Variants in CAMK4 observed in about 807,000 individuals in gnomAD.
The protein encoded by CAMK4 is calcium/calmodulin dependent protein kinase IV, also known as calcium/calmodulin-dependent protein kinase type IV.
CAMK4 carries 22 observed loss-of-function variants against 44.9 expected under a neutral mutation model. The observed-to-expected ratio is 0.49, with a 90% CI of 0.35 to 0.70. The LOEUF (loss-of-function observed/expected upper bound fraction) is 0.70, where lower values mean the gene tolerates loss of function less well. Among genes scored for constraint, CAMK4 ranks in the 30% least tolerant of loss-of-function variants. The pLI, the probability that CAMK4 is intolerant of heterozygous loss-of-function variation, is 0.01. For missense variants in CAMK4, 498 were observed against 586.8 expected, an observed-to-expected ratio of 0.85 and a Z score of 1.56; for synonymous variants, 218 against 215.4, an observed-to-expected ratio of 1.01 and a Z score of -0.11.
intron 1 of CAMK4, among the ~76,000 whole-genome samples, chr5:111,324,370 C>T (rs994166089): frequency 6.6e-6 from 1 of 151,878 alleles, no homozygotes; most frequent in Admixed American, 6.6e-5. Flanking sequence ...TATTCAAATT[C>T]TAAATATAAG....
At chr5:111,336,272 A>G (rs1561421447) in intron 1 of CAMK4, among the ~76,000 whole-genome samples, 2 of 151,276 alleles carry the variant, frequency 1.3e-5, no homozygotes, top group South Asian at 2.1e-4. Context: ...ATCTCAGGCA[A>G]TTTTGTGGTA....
At chr5:111,313,214 G>T (rs1165605867) in intron 1 of CAMK4, among the ~76,000 whole-genome samples, 1 of 152,038 alleles carries the variant, frequency 6.6e-6, no homozygotes, top group Non-Finnish European at 1.5e-5. Context: ...CTCTGCCTAT[G>T]AGATGTCAGT....
rs1277464506 is a variant in CAMK4, at chr5:111,308,158, C to T, written c.162-35866C>T. ...GAGATATACCTAATGCTAGATGACA[C>T]GTTAGTGGGTGCAGCGCACCAGCAT... On this transcript the variant is annotated intron_variant, in intron 1 of 10. Coordinates refer to ENST00000282356, the MANE Select transcript of CAMK4 (RefSeq NM_001744.6). 1.8e-4 allele frequency among the ~76,000 whole-genome samples: 24 copies of T among 132,380 alleles called. No homozygotes were observed. In the South Asian group the frequency reaches 6.1e-3, roughly 34 times the overall value. 86.8% of individuals were successfully genotyped at this position (132,380 alleles called of 152,430 possible).
chr5:111,255,299 T>C (rs578207791), intron 1 of CAMK4, among the ~76,000 whole-genome samples: 1 of 152,336 alleles, frequency 6.6e-6, no homozygotes, highest in South Asian at 2.1e-4. Flanking sequence ...TTTGGTGAGC[T>C]ATGAATGGAA....
At chr5:111,332,084 T>A (rs1008037535) in intron 1 of CAMK4, among the ~76,000 whole-genome samples, 7 of 151,650 alleles carry the variant, frequency 4.6e-5, no homozygotes, top group African/African-American at 1.5e-4. Flanking sequence ...CCTTTTCTTT[T>A]TTATTATTAT....
chr5:111,443,471 T>C (rs1753919424), intron 5 of CAMK4, among the ~76,000 whole-genome samples: 1 of 151,244 alleles, frequency 6.6e-6, no homozygotes, highest in African/African-American at 2.4e-5. Flanking sequence ...CTTTAGCATT[T>C]AATTGCTTTG....
chr5:111,253,188 A>G (rs1749594003), intron 1 of CAMK4, among the ~76,000 whole-genome samples: 1 of 152,164 alleles, frequency 6.6e-6, no homozygotes, highest in East Asian at 1.9e-4. Context: ...TAATTTGACA[A>G]ATGTCTGCAT....
chr5:111,331,627 C>T (rs1311524509), intron 1 of CAMK4, among the ~76,000 whole-genome samples: 1 of 151,670 alleles, frequency 6.6e-6, no homozygotes, highest in Non-Finnish European at 1.5e-5. Context: ...CTTGAAGACC[C>T]ACTTAAATTT....
At chr5:111,384,498 C>T (rs1450838406) in intron 4 of CAMK4, among the ~76,000 whole-genome samples, 1 of 152,138 alleles carries the variant, frequency 6.6e-6, no homozygotes. Flanking sequence ...AAGATGAAAA[C>T]TGTATTTTCA....
chr5:111,275,344 A>G (rs1029832192), intron 1 of CAMK4, among the ~76,000 whole-genome samples: 1 of 151,666 alleles, frequency 6.6e-6, no homozygotes, highest in Admixed American at 6.6e-5. Flanking sequence ...TTTTTTTGAC[A>G]CTTCTCCTGT....
intron 4 of CAMK4, among the ~76,000 whole-genome samples, chr5:111,377,329 T>C (rs1751251023): frequency 6.6e-6 from 1 of 152,130 alleles, no homozygotes; most frequent in South Asian, 2.1e-4. Flanking sequence ...CTGTCCTCTG[T>C]TATGATCCAA....
intron 2 of CAMK4, among the ~76,000 whole-genome samples, chr5:111,347,990 A>G (rs1749937416): frequency 2.0e-5 from 3 of 152,042 alleles, no homozygotes; most frequent in Admixed American, 6.6e-5. Flanking sequence ...TAATGTATAA[A>G]TATTTTTAAG....
In CAMK4 at chr5:111,352,992, T is replaced by C. The variant is rs544374604; in HGVS notation, c.240+8890T>C. On this transcript the variant is annotated intron_variant, in intron 2 of 10. Coordinates refer to ENST00000282356, the MANE Select transcript of CAMK4 (RefSeq NM_001744.6). ...ATGGGAGTGCAAAATTGACACAGAC[T>C]TTATGAAATTGTTCCCCATTCCTCA... Among the ~76,000 whole-genome samples the C allele has an allele frequency of 2.6e-5, 4 of 152,180 alleles. No individual in the cohort carries two copies. The South Asian group carries it at 6.2e-4, about 24-fold the overall frequency.
At chr5:111,446,264 A>G (rs1754024019) in intron 5 of CAMK4, among the ~76,000 whole-genome samples, 1 of 152,222 alleles carries the variant, frequency 6.6e-6, no homozygotes. Flanking sequence ...CTGCTCAGAC[A>G]ATAATTATGA....
chr5:111,292,401 ATGTATG>A (rs1747309747), intron 1 of CAMK4, among the ~76,000 whole-genome samples: 1 of 152,064 alleles, frequency 6.6e-6, no homozygotes. Flanking sequence ...GTGTGTGTAT[ATGTATG>A]TGTATATGTA....
chr5:111,263,832 G>T (rs955183238), intron 1 of CAMK4, among the ~76,000 whole-genome samples: 3 of 152,106 alleles, frequency 2.0e-5, no homozygotes, highest in African/African-American at 7.2e-5. Context: ...TGATAGCCAC[G>T]TGTCACTATG....
intron 7 of CAMK4, among the ~76,000 whole-genome samples, chr5:111,462,169 T>C (rs910596999): frequency 6.6e-6 from 1 of 152,208 alleles, no homozygotes; most frequent in Non-Finnish European, 1.5e-5. Context: ...TATTCTCTTT[T>C]CCTTCAACCT....
intron 5 of CAMK4, among the ~76,000 whole-genome samples, chr5:111,410,342 A>G (rs927897238): frequency 6.6e-6 from 1 of 152,218 alleles, no homozygotes; most frequent in Admixed American, 6.5e-5. Context: ...ATCAGTTCTC[A>G]TGAGACTTAT....
chr5:111,356,744 C>A (rs952951439), intron 2 of CAMK4, among the ~76,000 whole-genome samples: 3 of 152,108 alleles, frequency 2.0e-5, no homozygotes, highest in Admixed American at 2.0e-4. Context: ...TTGCCAGCAC[C>A]ATTTATTAAA....
Sources: allele counts gnomAD v4.1 joint callset (sites outside exome capture counted in the v4.1 genomes callset), GRCh38; gene constraint gnomAD v4.1.1; transcripts MANE v1.5; gene names NCBI Gene and HGNC (gene_info 2026-07-23, HGNC 2026-07-21).